Variants in BSN observed in about 807,000 individuals in gnomAD.
BSN encodes bassoon presynaptic cytomatrix protein, also known as protein bassoon.
A neutral mutation model predicts 264.8 loss-of-function variants in BSN; 57 were observed. The observed-to-expected ratio is 0.22, with a 90% CI of 0.17 to 0.27. The LOEUF (loss-of-function observed/expected upper bound fraction) is 0.27. Among genes scored for constraint, BSN ranks in the 10% least tolerant of loss-of-function variants. The probability of loss-of-function intolerance (pLI) is 1.00; values close to 1 mark genes in which losing one functional copy is unlikely to be tolerated. For synonymous variants in BSN, 2,059 were observed against 2,137.3 expected (o/e 0.96, Z 1.01); for missense variants, 4,615 against 5,232.5 (o/e 0.88, Z 3.64).
chr3:49,584,096 A>G (rs1373398135), intron 1 of BSN, among the ~76,000 whole-genome samples: 1 of 151,976 alleles, frequency 6.6e-6, no homozygotes, highest in African/African-American at 2.4e-5. Flanking sequence ...CGTGTTAGCC[A>G]GGAGGGTCTC....
chr3:49,621,964 G>A lies in BSN; in HGVS notation c.225-3011G>A, dbSNP rs574466029. Among the ~76,000 whole-genome samples, 8 of 152,270 alleles carry A rather than the reference G, an allele frequency of 5.3e-5. No individual in the cohort carries two copies. In the East Asian group the frequency reaches 1.3e-3, roughly 26 times the overall value. ...ATGGGGCAGTAGCTGAAGGAGTAGTGGAGCAAAGTACTGCTGCTTCTACTT... is the reference window on the plus strand; with the variant it reads ...ATGGGGCAGTAGCTGAAGGAGTAGTAGAGCAAAGTACTGCTGCTTCTACTT... On this transcript the variant is annotated intron_variant, in intron 1 of 11. Transcript: ENST00000296452.
chr3:49,579,116 C>A (rs1264442089), intron 1 of BSN, among the ~76,000 whole-genome samples: 2 of 151,298 alleles, frequency 1.3e-5, no homozygotes, highest in Non-Finnish European at 2.9e-5. Context: ...GCCTCCCAAG[C>A]AGCTAGGACT....
intron 1 of BSN, among the ~76,000 whole-genome samples, chr3:49,613,303 C>CGCGAGAGAGATAGAGA (rs2052223457): frequency 1.5e-4 from 7 of 47,332 alleles, no homozygotes; most frequent in Non-Finnish European, 2.0e-4. Flanking sequence ...ACACACAGAG[C>CGCGAGAGAGATAGAGA]GAGAGAGAGA....
In BSN at chr3:49,662,094, T is replaced by G; in HGVS notation, c.10249T>G (p.Tyr3417Asp). 1 of 1,613,482 alleles carries G rather than the reference T, an allele frequency of 6.2e-7. No individual in the cohort carries two copies. Among genetic ancestry groups the G allele is most frequent in the African/African-American group, 1.3e-5 (1 of 75,036 alleles). ...EITYGLKKNV[Y>D]EQQKYYGMSS... ...CACCTATGGGCTCAAGAAGAACGTG[T>G]ATGAGCAGCAAAAATACTATGGGAT... The change falls in exon 6 of 12, where the codon TAT becomes GAT. Residue 3417 changes from tyrosine (Y) to aspartate (D), a missense_variant. By Grantham distance (160) the Tyr-to-Asp change is radical. Transcript: ENST00000296452.
intron 1 of BSN, among the ~76,000 whole-genome samples, chr3:49,587,887 TTTTTCTTTTCTTTTCTTTTC>T (rs58072178): frequency 6.3e-4 from 77 of 121,612 alleles, no homozygotes; most frequent in African/African-American, 2.1e-3. Context: ...AAAGTTGGGG[TTTTTCTTTTCTTTTCTTTTC>T]TTTTCTTTTC....
intron 1 of BSN, among the ~76,000 whole-genome samples, chr3:49,571,910 C>G (rs1410689310): frequency 1.3e-5 from 2 of 152,176 alleles, no homozygotes; most frequent in Admixed American, 6.5e-5. Flanking sequence ...TCCAGAGACC[C>G]TGCTTTATCC....
intron 1 of BSN, among the ~76,000 whole-genome samples, chr3:49,575,485 AAT>A (rs1038629414): frequency 3.5e-4 from 51 of 146,614 alleles, no homozygotes; most frequent in East Asian, 9.8e-4. Context: ...TATATATGTA[AAT>A]ATATATGTGT....
At position 49,617,318 on chromosome 3, in the gene BSN, T is replaced by TAA. The variant is rs1553663320; in HGVS notation, c.225-7656_225-7655dup. Among the ~76,000 whole-genome samples the TAA allele has an allele frequency of 1.2e-3, 158 of 135,546 alleles. 1 individual carries two copies. The highest frequency in any genetic ancestry group is 4.1e-3 in the African/African-American group (150 of 36,790). 88.9% of individuals were successfully genotyped at this position (135,546 alleles called of 152,430 possible). A position where few individuals can be genotyped will look rare whatever the true frequency, so the allele number is the denominator to read the frequency against. ...ATATATATATATATATATATATATA[T>TAA]AATTTTATAATTTGTCCCTAGATAA... On this transcript the variant is annotated intron_variant, in intron 1 of 11. Transcript: ENST00000296452.
chr3:49,576,823 G>C (rs1431865956), intron 1 of BSN, among the ~76,000 whole-genome samples: 6 of 152,158 alleles, frequency 3.9e-5, no homozygotes. Flanking sequence ...TGGGAGCAGG[G>C]CCATTGCAGC....
In BSN at chr3:49,651,731, C is replaced by G. The variant is rs200312104; in HGVS notation, c.2175C>G (p.His725Gln). The change falls in exon 5 of 12, where the codon CAC becomes CAG. Residue 725 changes from histidine to glutamine, a missense_variant. By Grantham distance (24) the His-to-Gln change is conservative. Transcript: ENST00000296452. The surrounding 1 kb of genome is among the most constrained non-coding windows in gnomAD (Gnocchi z 5.4). ...GPHPPSPSEI[H>Q]KVGSSMRPLL... ...ATCCACCCAGCCCCTCCGAGATCCA[C>G]AAGGTGGGGAGCAGCATGCGGCCTT... The G allele has an allele frequency of 1.5e-5, 24 of 1,613,604 alleles. No individual in the cohort carries two copies. The highest frequency in any genetic ancestry group is 1.3e-4 in the Admixed American group (8 of 59,978).
At chr3:49,566,356 A>G (rs767215631) in intron 1 of BSN, among the ~76,000 whole-genome samples, 1 of 152,168 alleles carries the variant, frequency 6.6e-6, no homozygotes, top group Non-Finnish European at 1.5e-5. Flanking sequence ...TTTATTTCCT[A>G]TAAACTGGTA....
Position 49,653,645 on chromosome 3 carries a change from C to T in BSN, c.4089C>T (p.Pro1363=), listed in dbSNP as rs772921767. 1.2e-6 allele frequency: 2 copies of T among 1,613,866 alleles called. No individual in the cohort carries two copies. Among genetic ancestry groups the T allele is most frequent in the Admixed American group, 1.7e-5 (1 of 60,018 alleles). Residue 1363 remains proline (P), a synonymous_variant, in exon 5 of 12, where the codon CCC becomes CCT. Transcript: ENST00000296452. The surrounding 1 kb of genome is among the most constrained non-coding windows in gnomAD (Gnocchi z 6.3). ...PLKLHSSPAS[P]SSASKEIGMP... Reference sequence around the variant, plus strand: ...AGCTGCACAGCTCTCCTGCCTCCCCCAGCTCAGCCTCCAAGGAGATAGGCA... The same window carrying T: ...AGCTGCACAGCTCTCCTGCCTCCCCTAGCTCAGCCTCCAAGGAGATAGGCA...
intron 1 of BSN, among the ~76,000 whole-genome samples, chr3:49,577,077 A>G (rs981681217): frequency 6.6e-6 from 1 of 152,210 alleles, no homozygotes; most frequent in African/African-American, 2.4e-5. Flanking sequence ...GCTTGGAGTC[A>G]TTCATTTATT....
At chr3:49,580,076 GT>G (rs2051883636) in intron 1 of BSN, among the ~76,000 whole-genome samples, 1 of 151,878 alleles carries the variant, frequency 6.6e-6, no homozygotes. Context: ...GTTTATGTCT[GT>G]TTTTTTACAA....
At chr3:49,649,212 G>A (rs535335534) in intron 3 of BSN, among the ~76,000 whole-genome samples, 2 of 152,348 alleles carry the variant, frequency 1.3e-5, no homozygotes, top group African/African-American at 2.4e-5. Context: ...AGGGTACTGA[G>A]GTTGTCAGCC....
chr3:49,642,740 C>G lies in BSN; in HGVS notation c.1106C>G (p.Pro369Arg). 6.2e-7 allele frequency: 1 copy of G among 1,613,510 alleles called. No homozygotes were observed. The highest frequency in any genetic ancestry group is 8.5e-7 in the Non-Finnish European group (1 of 1,180,028). The change falls in exon 3 of 12, where the codon CCC becomes CGC. Residue 369 changes from proline (P) to arginine (R), a missense_variant. This residue lies in a region of BSN where 1,197 missense variants were observed against 1,348.0 expected (regional missense o/e 0.89). Transcript: ENST00000296452. The surrounding 1 kb of genome is among the most constrained non-coding windows in gnomAD (Gnocchi z 7.0). ...GCGAGCACCCTCATGTCTGTGCAGC[C>G]CGAGGCTGACACCCAGGGCCAGCCT... The part of the protein sequence containing the change: ...TQASTLMSVQ[P>R]EADTQGQPAP...
At chr3:49,649,422 T>C (rs528331979) in intron 3 of BSN, among the ~76,000 whole-genome samples, 1 of 152,306 alleles carries the variant, frequency 6.6e-6, no homozygotes, top group South Asian at 2.1e-4. Flanking sequence ...GGCACAGGTG[T>C]CTGTGGGACC....
chr3:49,603,239 C>A (rs1337099127), intron 1 of BSN, among the ~76,000 whole-genome samples: 1 of 152,136 alleles, frequency 6.6e-6, no homozygotes, highest in Admixed American at 6.5e-5. Flanking sequence ...AGCCTCTGAG[C>A]TGTCACAGGA....
At chr3:49,616,085 TG>T (rs764792848) in intron 1 of BSN, among the ~76,000 whole-genome samples, 61 of 152,354 alleles carry the variant, frequency 4.0e-4, no homozygotes, top group Non-Finnish European at 7.3e-4. Context: ...AATATTCATA[TG>T]TTGGAGATGC....
Sources: allele counts gnomAD v4.1 joint callset (sites outside exome capture counted in the v4.1 genomes callset), GRCh38; gene constraint gnomAD v4.1.1; regional missense constraint gnomAD v4.1.1; non-coding constraint Gnocchi (gnomAD v3.1); transcripts MANE v1.5; gene names NCBI Gene and HGNC (gene_info 2026-07-23, HGNC 2026-07-21).